Variants in GRK3 observed in about 807,000 individuals in gnomAD.
GRK3 encodes the protein G protein-coupled receptor kinase 3, also known as adrenergic, beta, receptor kinase 2.
Under a neutral mutation model 95.7 loss-of-function variants are expected in GRK3, and 54 were observed. The observed-to-expected ratio is 0.56, with a 90% CI of 0.45 to 0.71. GRK3 has a LOEUF of 0.71. GRK3 is among the 30% of genes least tolerant of loss of function. GRK3 has a pLI of 0.00. For missense variants in GRK3, 649 were observed against 851.2 expected (o/e 0.76, Z 2.96); for synonymous variants, 281 against 290.8 (o/e 0.97, Z 0.34).
intron 1 of GRK3, among the ~76,000 whole-genome samples, chr22:25,571,046 G>T (rs1931683131): frequency 6.6e-6 from 1 of 152,214 alleles, no homozygotes. Flanking sequence ...GTAAAGGTCA[G>T]CTTGATCCAG....
At chr22:25,605,862 A>C (rs888130212) in intron 2 of GRK3, among the ~76,000 whole-genome samples, 1 of 152,212 alleles carries the variant, frequency 6.6e-6, no homozygotes, top group Non-Finnish European at 1.5e-5. Flanking sequence ...TCTTCAGCAT[A>C]AGGCCTTCAA....
Position 25,598,272 on chromosome 22 carries a change from G to A in GRK3, c.114-6105G>A, listed in dbSNP as rs553972257. On this transcript the variant is annotated intron_variant, in intron 1 of 20. Coordinates refer to ENST00000324198, the MANE Select transcript of GRK3 (RefSeq NM_005160.4). ...CCTAAGGAAAAAAAGAAAGAAAAGA[G>A]TTAAAATAATCTAGGAGGGGAGATA... Among the ~76,000 whole-genome samples, 227 of 152,152 alleles carry A rather than the reference G, an allele frequency of 1.5e-3. 1 individual carries two copies. Among genetic ancestry groups the A allele is most frequent in the South Asian group, 3.3e-3 (16 of 4,810 alleles).
chr22:25,644,589 T>C lies in GRK3; in HGVS notation c.191-3T>C, dbSNP rs1354600709. 2 of 1,491,200 alleles carry C rather than the reference T, an allele frequency of 1.3e-6. No individual in the cohort carries two copies. The highest frequency in any genetic ancestry group is 1.8e-6 in the Non-Finnish European group (2 of 1,083,550). 92.4% of individuals were successfully genotyped at this position (1,491,200 alleles called of 1,614,324 possible). A position where few individuals can be genotyped will look rare whatever the true frequency, so the allele number is the denominator to read the frequency against. ...CCTGAAATTTTTTATTTTTTTCCTT[T>C]AGGTTTCTTGCTATTTAAAGATTTT... On this transcript the variant is annotated splice_region_variant and splice_polypyrimidine_tract_variant and intron_variant, in intron 2 of 20. Coordinates refer to ENST00000324198, the MANE Select transcript of GRK3 (RefSeq NM_005160.4).
intron 2 of GRK3, among the ~76,000 whole-genome samples, chr22:25,639,775 T>C (rs1240069317): frequency 6.6e-6 from 1 of 152,192 alleles, no homozygotes; most frequent in Non-Finnish European, 1.5e-5. Context: ...ATCTAAGCAA[T>C]ACTAAATCTT....
chr22:25,648,260 T>G, intron 3 of GRK3: 1 of 809,302 alleles, frequency 1.2e-6, no homozygotes, highest in Non-Finnish European at 2.2e-6. Flanking sequence ...AACTTGACAA[T>G]GGTAGATACT....
intron 3 of GRK3, chr22:25,648,297 A>G (rs1601499788): frequency 1.1e-6 from 1 of 939,516 alleles, no homozygotes; most frequent in East Asian, 2.4e-5. Context: ...ACAACTTGAT[A>G]CTCTGCAGAA....
chr22:25,601,524 A>G (rs1337749736), intron 1 of GRK3, among the ~76,000 whole-genome samples: 1 of 152,172 alleles, frequency 6.6e-6, no homozygotes, highest in Non-Finnish European at 1.5e-5. Flanking sequence ...CCTAGAGGGA[A>G]TTTTATAATT....
intron 2 of GRK3, among the ~76,000 whole-genome samples, chr22:25,624,808 T>G (rs2084614577): frequency 6.6e-6 from 1 of 152,222 alleles, no homozygotes; most frequent in Non-Finnish European, 1.5e-5. Context: ...GAATTGACTC[T>G]TCTTTTTTGG....
chr22:25,565,223 C>T, intron 1 of GRK3, 70 bp downstream of exon 1: 5 of 777,186 alleles, frequency 6.4e-6, no homozygotes, highest in Non-Finnish European at 9.5e-6. Flanking sequence ...CCCCCTGCTT[C>T]CTGGAGGGTC....
chr22:25,712,992 G>C (rs531036555), intron 17 of GRK3, among the ~76,000 whole-genome samples: 1 of 152,316 alleles, frequency 6.6e-6, no homozygotes, highest in South Asian at 2.1e-4. Flanking sequence ...TTCTTTAAAA[G>C]GGTGGGGGAA....
At chr22:25,642,837 A>T (rs960569226) in intron 2 of GRK3, among the ~76,000 whole-genome samples, 2 of 152,180 alleles carry the variant, frequency 1.3e-5, no homozygotes, top group African/African-American at 4.8e-5. Flanking sequence ...TTGCCTTTGT[A>T]TTCTTTTAAA....
intron 8 of GRK3, among the ~76,000 whole-genome samples, chr22:25,675,967 C>T (rs2085025498): frequency 6.6e-6 from 1 of 152,216 alleles, no homozygotes; most frequent in Non-Finnish European, 1.5e-5. Context: ...TCACCCTCCA[C>T]ACTTTCTGCC....
intron 1 of GRK3, among the ~76,000 whole-genome samples, chr22:25,567,097 C>CT (rs1474377637): frequency 6.6e-6 from 1 of 152,036 alleles, no homozygotes; most frequent in Non-Finnish European, 1.5e-5. Context: ...GTAATGCTTT[C>CT]TTTTAAGGCA....
chr22:25,653,661 A>G lies in GRK3; in HGVS notation c.265-7915A>G, dbSNP rs527573577. Reference sequence around the variant, plus strand: ...GATGAGTAAATTTGACCTAATTGACATATGTAAAATGCTGCACCTAGCAAA... The same window carrying G: ...GATGAGTAAATTTGACCTAATTGACGTATGTAAAATGCTGCACCTAGCAAA... On this transcript the variant is annotated intron_variant, in intron 3 of 20. Coordinates refer to ENST00000324198, the MANE Select transcript of GRK3 (RefSeq NM_005160.4). Among the ~76,000 whole-genome samples the G allele has an allele frequency of 1.2e-3, 178 of 152,358 alleles. 1 individual carries two copies. Among genetic ancestry groups the G allele is most frequent in the African/African-American group, 4.2e-3 (173 of 41,592 alleles).
chr22:25,596,439 A>G (rs1297271346), intron 1 of GRK3, among the ~76,000 whole-genome samples: 1 of 152,224 alleles, frequency 6.6e-6, no homozygotes, highest in Non-Finnish European at 1.5e-5. Flanking sequence ...TTTAATATCT[A>G]GTTTTTACTT....
chr22:25,677,860 T>G (rs1450375649), intron 8 of GRK3, among the ~76,000 whole-genome samples: 2 of 152,194 alleles, frequency 1.3e-5, no homozygotes, highest in Non-Finnish European at 2.9e-5. Flanking sequence ...CGAAAAAGCT[T>G]CCTGTTTTCT....
At chr22:25,661,023 T>A (rs2084905644) in intron 3 of GRK3, among the ~76,000 whole-genome samples, 1 of 152,256 alleles carries the variant, frequency 6.6e-6, no homozygotes, top group Admixed American at 6.5e-5. Flanking sequence ...ATAGTGCAGC[T>A]GAGGTTCCAA....
At chr22:25,673,458 A>G (rs562018196) in intron 7 of GRK3, among the ~76,000 whole-genome samples, 1 of 149,938 alleles carries the variant, frequency 6.7e-6, no homozygotes, top group East Asian at 2.0e-4. Flanking sequence ...TTTTCCCATC[A>G]TATTTCCTGG....
chr22:25,716,615 C>A (rs1478380723), intron 18 of GRK3, among the ~76,000 whole-genome samples: 1 of 151,656 alleles, frequency 6.6e-6, no homozygotes, highest in Non-Finnish European at 1.5e-5. Flanking sequence ...GGCTTAGATT[C>A]CTGAAAAAAA....
Sources: allele counts gnomAD v4.1 joint callset (sites outside exome capture counted in the v4.1 genomes callset), GRCh38; gene constraint gnomAD v4.1.1; transcripts MANE v1.5; gene names NCBI Gene and HGNC (gene_info 2026-07-23, HGNC 2026-07-21).